The following SYDE2 variants were observed in gnomAD, a reference collection of about 807,000 sequenced individuals.
SYDE2 encodes the protein synapse defective Rho GTPase homolog 2.
A neutral mutation model predicts 91.5 loss-of-function variants in SYDE2; 76 were observed. That is an observed-to-expected ratio of 0.83 (90% CI 0.69 to 1.01). The LOEUF is 1.01. Among genes scored for constraint, SYDE2 ranks in the 50% least tolerant of loss-of-function variants. The probability of loss-of-function intolerance (pLI) is 0.00; values close to 1 mark genes in which losing one functional copy is unlikely to be tolerated. For synonymous variants in SYDE2, 513 were observed against 506.4 expected (o/e 1.01, Z -0.18); for missense variants, 1,364 against 1,367.7 (o/e 1.00, Z 0.04).
intron 4 of SYDE2, among the ~76,000 whole-genome samples, chr1:85,174,171 G>A (rs567567412): frequency 6.6e-6 from 1 of 152,104 alleles, no homozygotes. Flanking sequence ...AACAAAAACA[G>A]TTTGAAGAAA....
At chr1:85,155,009 C>CAAAAAAAAAAAAAAAAAAAAAAAAAAAAA, downstream of SYDE2, among the ~76,000 whole-genome samples, 8 of 80,670 alleles carry the variant, frequency 9.9e-5, no homozygotes, top group East Asian at 3.2e-4. Context: ...AAGAATGCAG[C>CAAAAAAAAAAAAAAAAAAAAAAAAAAAAA]AAAAAAAAAA....
intron 1 of SYDE2, chr1:85,194,876 A>G: frequency 1.0e-6 from 1 of 984,614 alleles, no homozygotes; most frequent in African/African-American, 1.7e-5. Context: ...AATCTGTAGT[A>G]CCGGCTGGGC....
chr1:85,199,490 T>C (rs866978385), intron 1 of SYDE2, among the ~76,000 whole-genome samples: 1 of 152,208 alleles, frequency 6.6e-6, no homozygotes, highest in African/African-American at 2.4e-5. Context: ...AAAAAACTAA[T>C]TTACTTCTCT....
chr1:85,172,000 A>C (rs1399567813), intron 4 of SYDE2, among the ~76,000 whole-genome samples: 2 of 152,160 alleles, frequency 1.3e-5, no homozygotes, highest in Admixed American at 1.3e-4. Flanking sequence ...TGGTAATGTA[A>C]AGGAGATAGT....
chr1:85,173,028 G>A (rs1021112209), intron 4 of SYDE2, among the ~76,000 whole-genome samples: 4 of 152,162 alleles, frequency 2.6e-5, no homozygotes, highest in African/African-American at 7.2e-5. Flanking sequence ...TATGGGTACA[G>A]CACTATGTTG....
chr1:85,189,590 C>T (rs1276212133), intron 2 of SYDE2, among the ~76,000 whole-genome samples: 2 of 152,212 alleles, frequency 1.3e-5, no homozygotes, highest in African/African-American at 2.4e-5. Context: ...AATCCCAGCA[C>T]TTTGGGAGGC....
At chr1:85,178,586 T>C (rs956638826) in intron 3 of SYDE2, among the ~76,000 whole-genome samples, 8 of 152,160 alleles carry the variant, frequency 5.3e-5, no homozygotes, top group Non-Finnish European at 1.0e-4. Context: ...ATGTGCGCCC[T>C]TTCACATCTT....
In SYDE2 at chr1:85,182,772, C is replaced by T. The variant is rs756494713; in HGVS notation, c.1870G>A (p.Gly624Arg). ...TTAGTTGTAAGTTCAGGTGAGTCTC[C>T]ATCACTAAGGTAACCACCTTTGCAG... Reference protein sequence around the residue: ...YSCKGGYLSDGDSPELTTKAS... With the variant: ...YSCKGGYLSDRDSPELTTKAS... Residue 624 changes from glycine (G) to arginine (R), a missense_variant, in exon 3 of 7, where the codon GGA (glycine) becomes AGA (arginine). Coordinates refer to ENST00000341460, the MANE Select transcript of SYDE2 (RefSeq NM_032184.2). 6.2e-7 allele frequency: 1 copy of T among 1,613,878 alleles called. No individual in the cohort carries two copies. The highest frequency in any genetic ancestry group is 1.7e-5 in the Admixed American group (1 of 60,008).
In SYDE2 at chr1:85,164,619, T is replaced by C; in HGVS notation, c.2992A>G (p.Asn998Asp). 1 of 1,606,856 alleles carries C rather than the reference T, an allele frequency of 6.2e-7. No individual in the cohort carries two copies. Among genetic ancestry groups the C allele is most frequent in the Non-Finnish European group, 8.5e-7 (1 of 1,176,366 alleles). ...SQRQEPSTHN[N>D]RVFTDSEELA... ...TCTTCTGAATCAGTAAAGACTCTGT[T>C]GTTATGGGTGGAAGGCTCTTGCCTC... The change falls in exon 6 of 7, where the codon AAC becomes GAC. Residue 998 changes from asparagine to aspartate, a missense_variant. Transcript: ENST00000341460.
At chr1:85,190,837 AT>A (rs1208312659) in intron 1 of SYDE2, 85 bp from the exon 2 acceptor site, 7 of 1,185,530 alleles carry the variant, frequency 5.9e-6, no homozygotes, top group East Asian at 2.5e-5. Flanking sequence ...ATTTAAAAAA[AT>A]TTTTTTAAAC....
chr1:85,197,251 T>A (rs1308605654), intron 1 of SYDE2, among the ~76,000 whole-genome samples: 1 of 152,184 alleles, frequency 6.6e-6, no homozygotes, highest in African/African-American at 2.4e-5. Flanking sequence ...CATCAAATCA[T>A]TTGTCATTAT....
chr1:85,190,545 G>A lies in SYDE2; in HGVS notation c.953C>T (p.Pro318Leu), dbSNP rs1294826677. The A allele has an allele frequency of 1.7e-5, 28 of 1,613,854 alleles. No individual in the cohort carries two copies. The highest frequency in any genetic ancestry group is 2.2e-5 in the Non-Finnish European group (26 of 1,179,882). ...TAGCTGATGTTTAGGTAGAGACACA[G>A]GTGAGATGGATAAATGACTTCTATC... The part of the protein sequence containing the change: ...CQDRSHLSIS[P>L]VSLPKHQLSQ... The change falls in exon 2 of 7, where the codon CCT becomes CTT. Residue 318 changes from proline to leucine, a missense_variant. Coordinates refer to ENST00000341460, the MANE Select transcript of SYDE2 (RefSeq NM_032184.2).
chr1:85,154,183 T>C (rs1320874186), downstream of SYDE2: 1 of 151,676 alleles, frequency 6.6e-6, no homozygotes, highest in Admixed American at 6.6e-5. Flanking sequence ...AACTTTATCA[T>C]ACCAAAGTAC....
At position 85,200,867 on chromosome 1, in the gene SYDE2, G is replaced by A; in HGVS notation, c.130C>T (p.Pro44Ser). 1 of 1,359,440 alleles carries A rather than the reference G, an allele frequency of 7.4e-7. No individual in the cohort carries two copies. The allele number at this position is 1,359,440 out of a possible 1,614,324, so 84.2% of individuals were successfully genotyped here. A position where few individuals can be genotyped will look rare whatever the true frequency, so the allele number is the denominator to read the frequency against. The change falls in exon 1 of 7, where the codon CCC (proline) becomes TCC (serine). Residue 44 changes from proline (P) to serine (S), a missense_variant. Pro to Ser is a moderately conservative substitution (Grantham distance 74). Transcript: ENST00000341460. ...SRGAAYRRAC[P>S]RDGERGGGGR... ...CCGCCTCCCCGCTCCCCGTCCCGGG[G>A]GCAGGCTCGGCGGTACGCGGCGCCG...
intron 1 of SYDE2, 97 bp from the exon 2 acceptor site, chr1:85,190,849 A>G (rs747189742): frequency 5.3e-4 from 486 of 908,482 alleles, no homozygotes; most frequent in Non-Finnish European, 7.2e-4. Flanking sequence ...TTTTTTAAAC[A>G]AAAAGTAACA....
chr1:85,179,543 A>G (rs1165067831), intron 3 of SYDE2, among the ~76,000 whole-genome samples: 1 of 152,216 alleles, frequency 6.6e-6, no homozygotes, highest in East Asian at 1.9e-4. Context: ...ATTCAAAAGG[A>G]TCAAGATAAT....
chr1:85,183,297 G>A (rs1156837773), intron 2 of SYDE2, 97 bp from the exon 3 acceptor site: 1 of 1,132,182 alleles, frequency 8.8e-7, no homozygotes, highest in African/African-American at 1.6e-5. Flanking sequence ...CTTTCACATA[G>A]GCAGAAATTC....
At chr1:85,181,521 A>G (rs907289124) in intron 3 of SYDE2, 1 of 152,278 alleles carries the variant, frequency 6.6e-6, no homozygotes, top group South Asian at 2.1e-4. Flanking sequence ...AACATGACAC[A>G]GCTAAGTAAT....
At chr1:85,165,617 A>G (rs1489393526) in intron 5 of SYDE2, among the ~76,000 whole-genome samples, 2 of 151,394 alleles carry the variant, frequency 1.3e-5, no homozygotes, top group African/African-American at 2.4e-5. Flanking sequence ...TGTGGTAAAT[A>G]AACCTTAAAA....
Sources: allele counts gnomAD v4.1 joint callset (sites outside exome capture counted in the v4.1 genomes callset), GRCh38; gene constraint gnomAD v4.1.1; transcripts MANE v1.5; gene names NCBI Gene and HGNC (gene_info 2026-07-23, HGNC 2026-07-21).